The following PEAK1 variants were observed in gnomAD, a reference collection of about 807,000 sequenced individuals.
PEAK1 encodes inactive tyrosine-protein kinase PEAK1.
PEAK1 carries 54 observed loss-of-function variants against 124.7 expected under a neutral mutation model. The observed-to-expected ratio is 0.43, with a 90% CI of 0.35 to 0.54. The LOEUF (loss-of-function observed/expected upper bound fraction) is 0.54, where lower values mean the gene tolerates loss of function less well. Ranked by LOEUF, PEAK1 falls within the 20% of genes least tolerant of loss-of-function variation. The pLI, the probability that PEAK1 is intolerant of heterozygous loss-of-function variation, is 0.01. For synonymous variants in PEAK1, 719 were observed against 760.0 expected, an observed-to-expected ratio of 0.95 and a Z score of 0.89; for missense variants, 2,046 against 2,134.5, an observed-to-expected ratio of 0.96 and a Z score of 0.82.
rs1318987739 is a variant in PEAK1, at chr15:77,115,115, C to T, written c.4282G>A (p.Glu1428Lys). 6.2e-7 allele frequency: 1 copy of T among 1,614,054 alleles called. No individual in the cohort carries two copies. The highest frequency in any genetic ancestry group is 8.5e-7 in the Non-Finnish European group (1 of 1,180,028). Residue 1428 changes from glutamate to lysine, a missense_variant, in exon 10 of 10, where the codon GAA becomes AAA. Glu to Lys is a moderately conservative substitution (Grantham distance 56). Transcript: ENST00000682557. ...MEETEEDAKGETDGKNPKPCS... is the reference protein window; with the variant it reads ...MEETEEDAKGKTDGKNPKPCS... ...GGCTTTGGGTTTTTCCCATCCGTTT[C>T]TCCTTTGGCGTCTTCTTCAGTCTCT...
chr15:77,398,754 T>C (rs1009007619), intron 1 of PEAK1, among the ~76,000 whole-genome samples: 3 of 152,106 alleles, frequency 2.0e-5, no homozygotes, highest in Non-Finnish European at 4.4e-5. Flanking sequence ...ATACTGGAAG[T>C]CCTAGCTAGA....
chr15:77,130,124 C>T (rs942976018), intron 9 of PEAK1, among the ~76,000 whole-genome samples: 3 of 152,150 alleles, frequency 2.0e-5, no homozygotes, highest in Non-Finnish European at 4.4e-5. Flanking sequence ...CAATACCAGA[C>T]CACTGATTTG....
intron 2 of PEAK1, among the ~76,000 whole-genome samples, chr15:77,315,011 C>T (rs946002432): frequency 1.3e-5 from 2 of 152,040 alleles, no homozygotes; most frequent in Non-Finnish European, 2.9e-5. Context: ...ACAGTATACC[C>T]AGCTAACAAA....
chr15:77,358,759 T>G (rs2067690511), intron 2 of PEAK1, among the ~76,000 whole-genome samples: 1 of 152,178 alleles, frequency 6.6e-6, no homozygotes, highest in East Asian at 1.9e-4. Context: ...GAGAGCACTT[T>G]AGGAGGAGGA....
chr15:77,251,868 G>A (rs957151911), intron 6 of PEAK1, among the ~76,000 whole-genome samples: 1 of 152,200 alleles, frequency 6.6e-6, no homozygotes, highest in African/African-American at 2.4e-5. Flanking sequence ...TCTGCATGCA[G>A]TTAAAGGAAG....
chr15:77,410,410 C>T (rs1048621146), intron 1 of PEAK1, among the ~76,000 whole-genome samples: 1 of 152,184 alleles, frequency 6.6e-6, no homozygotes, highest in Non-Finnish European at 1.5e-5. Context: ...CAGGTGTGAG[C>T]CATCGCACCC....
intron 2 of PEAK1, chr15:77,349,708 G>T (rs1187064512): frequency 2.0e-6 from 2 of 985,008 alleles, no homozygotes; most frequent in African/African-American, 3.5e-5. Flanking sequence ...GGATTTTCAA[G>T]CTAACCCTTC....
chr15:77,169,628 A>C (rs967974852), intron 7 of PEAK1, among the ~76,000 whole-genome samples: 4 of 152,226 alleles, frequency 2.6e-5, no homozygotes, highest in African/African-American at 9.6e-5. Context: ...TTAGGTTACC[A>C]GGGGCAAGAG....
intron 9 of PEAK1, among the ~76,000 whole-genome samples, chr15:77,123,966 T>A (rs142344560): frequency 6.6e-5 from 10 of 152,340 alleles, no homozygotes; most frequent in African/African-American, 2.4e-4. Context: ...GAAATCAATT[T>A]GGCTCTTCTT....
rs1555497620 is a variant in PEAK1 at position 77,378,188 on chromosome 15, T to TTTTATATA, written c.-665-12964_-665-12963insTATATAAA. 3.4e-4 allele frequency among the ~76,000 whole-genome samples: 44 copies of TTTTATATA among 129,696 alleles called. 1 individual carries two copies. Among genetic ancestry groups the TTTTATATA allele is most frequent in the Non-Finnish European group, 7.0e-4 (40 of 57,202 alleles). The allele number at this position is 129,696 out of a possible 152,430, so 85.1% of individuals were successfully genotyped here. A position where few individuals can be genotyped will look rare whatever the true frequency, so the allele number is the denominator to read the frequency against. ...ACTGCACTGACTCTGTATAACAATA[T>TTTTATATA]TATATATATATATATATATACATAA... On this transcript the variant is annotated intron_variant, in intron 1 of 9. Coordinates refer to ENST00000682557, the MANE Select transcript of PEAK1 (RefSeq NM_001385026.1).
chr15:77,269,142 G>A (rs746166703), intron 5 of PEAK1, among the ~76,000 whole-genome samples: 3 of 151,204 alleles, frequency 2.0e-5, no homozygotes, highest in South Asian at 2.1e-4. Flanking sequence ...TATATAGAAC[G>A]ATGAATAGAA....
In PEAK1 at chr15:77,121,938, G is replaced by A. The variant is rs188930814; in HGVS notation, c.4078-6619C>T. 1.3e-3 allele frequency among the ~76,000 whole-genome samples: 196 copies of A among 152,292 alleles called. 1 individual carries two copies. The highest frequency in any genetic ancestry group is 2.7e-3 in the South Asian group (13 of 4,828). ...AAAGTACAACTGCAAATGGGAGTGAGCATAGAATGAAACCCTGCAACTTCT... is the reference window on the plus strand; with the variant it reads ...AAAGTACAACTGCAAATGGGAGTGAACATAGAATGAAACCCTGCAACTTCT... On this transcript the variant is annotated intron_variant, in intron 9 of 9. Transcript: ENST00000682557.
chr15:77,250,117 A>AT (rs201838110), intron 6 of PEAK1, among the ~76,000 whole-genome samples: 3,806 of 146,734 alleles, frequency 0.026, 79 homozygotes, highest in Middle Eastern at 0.08. Flanking sequence ...ACAATTAGAG[A>AT]TTTTTTTTTA....
chr15:77,207,752 G>A (rs529765430), intron 6 of PEAK1, among the ~76,000 whole-genome samples: 4 of 152,240 alleles, frequency 2.6e-5, no homozygotes, highest in African/African-American at 9.6e-5. Context: ...TATAATGGTG[G>A]ATACATTACA....
intron 2 of PEAK1, among the ~76,000 whole-genome samples, chr15:77,356,781 G>C (rs1468699053): frequency 1.4e-4 from 21 of 152,162 alleles, no homozygotes; most frequent in South Asian, 2.1e-4. Flanking sequence ...GCATTATAAT[G>C]ATTTTGTATT....
chr15:77,234,110 C>T (rs979267812), intron 6 of PEAK1, among the ~76,000 whole-genome samples: 3 of 152,142 alleles, frequency 2.0e-5, no homozygotes, highest in Non-Finnish European at 2.9e-5. Flanking sequence ...GAGTGATTCT[C>T]CCATCTCAGG....
chr15:77,390,629 C>A (rs1387434071), intron 1 of PEAK1, among the ~76,000 whole-genome samples: 1 of 152,172 alleles, frequency 6.6e-6, no homozygotes. Flanking sequence ...CAAATATGTA[C>A]ATGTTAATAT....
At chr15:77,248,131 A>G (rs985029215) in intron 6 of PEAK1, among the ~76,000 whole-genome samples, 4 of 151,948 alleles carry the variant, frequency 2.6e-5, no homozygotes. Context: ...TCTTGGCCTC[A>G]AGTGATCCTC....
chr15:77,200,407 T>C (rs1271018055), intron 6 of PEAK1, among the ~76,000 whole-genome samples: 1 of 152,148 alleles, frequency 6.6e-6, no homozygotes, highest in Non-Finnish European at 1.5e-5. Flanking sequence ...TGACTGTGTG[T>C]GGGGTCAGCA....
Sources: gnomAD v4.1 joint callset for allele counts (sites outside exome capture counted in the v4.1 genomes callset) on GRCh38, gnomAD v4.1.1 for gene constraint, MANE v1.5 for transcripts, NCBI Gene and HGNC (gene_info 2026-07-23, HGNC 2026-07-21) for gene names.